ZNF157: variants seen among roughly 807,000 people sequenced by gnomAD.
ZNF157 encodes zinc finger protein 22.
In ZNF157, 8 loss-of-function variants were observed where a neutral mutation model predicts 9.4. That is an observed-to-expected ratio of 0.85 (90% CI 0.50 to 1.53). The LOEUF is 1.53. ZNF157 is among the 40% of genes most tolerant of loss of function. The pLI is 0.00. For missense variants in ZNF157, 316 were observed against 385.2 expected, an observed-to-expected ratio of 0.82 and a Z score of 1.50; for synonymous variants, 120 against 130.8, an observed-to-expected ratio of 0.92 and a Z score of 0.56.
chrX:47,384,829 T>C (rs2063125151), intron 1 of ZNF157, among the ~76,000 whole-genome samples: 2 of 112,387 alleles, frequency 1.8e-5, no homozygotes, highest in South Asian at 7.3e-4. Flanking sequence ...AAAATATCCA[T>C]GATGTCTTGG....
intron 1 of ZNF157, among the ~76,000 whole-genome samples, chrX:47,403,694 C>A (rs2055937717): frequency 9.0e-6 from 1 of 111,312 alleles, no homozygotes; most frequent in Non-Finnish European, 1.9e-5. Flanking sequence ...AGGAACATTT[C>A]AATTTGAATG....
chrX:47,372,928 G>A (rs144417782), intron 1 of ZNF157, among the ~76,000 whole-genome samples: 9,435 of 110,069 alleles, frequency 0.086, 1,029 homozygotes, highest in African/African-American at 0.29. Context: ...GGTGGGGCAC[G>A]GTGGCTCATG....
chrX:47,392,941 G>A (rs2055901442), intron 1 of ZNF157, among the ~76,000 whole-genome samples: 2 of 111,102 alleles, frequency 1.8e-5, no homozygotes, highest in African/African-American at 3.3e-5. Flanking sequence ...GGATCTCTGA[G>A]GTCAGGAGTT....
At chrX:47,370,763 T>C in intron 1 of ZNF157, 23 bp downstream of exon 1, 1 of 1,115,825 alleles carries the variant, frequency 9.0e-7, no homozygotes, top group Non-Finnish European at 1.2e-6. Context: ...ATCCTATTTT[T>C]TTCTATATGT....
chrX:47,405,114 G>A (rs958838009), intron 1 of ZNF157, among the ~76,000 whole-genome samples: 1 of 111,308 alleles, frequency 9.0e-6, no homozygotes, highest in Non-Finnish European at 1.9e-5. Context: ...GAGGCCGGAC[G>A]TGGTGGCTCA....
chrX:47,403,105 A>G (rs2055935637), intron 1 of ZNF157, among the ~76,000 whole-genome samples: 1 of 60,554 alleles, frequency 1.7e-5, no homozygotes, highest in Non-Finnish European at 3.7e-5. Context: ...TACTGAAAAT[A>G]CACACACACA....
At chrX:47,393,967 C>CTT (rs748734330) in intron 1 of ZNF157, among the ~76,000 whole-genome samples, 4 of 98,283 alleles carry the variant, frequency 4.1e-5, no homozygotes, top group Admixed American at 1.1e-4. Flanking sequence ...GTCTCGAACT[C>CTT]TTTTTTTTTT....
chrX:47,393,222 G>A (rs776757473), intron 1 of ZNF157, among the ~76,000 whole-genome samples: 5 of 111,469 alleles, frequency 4.5e-5, no homozygotes, highest in African/African-American at 1.6e-4. Flanking sequence ...CTGCACCTGC[G>A]GTTCTGCCCT....
At chrX:47,379,236 A>G (rs2055853982) in intron 1 of ZNF157, among the ~76,000 whole-genome samples, 1 of 109,178 alleles carries the variant, frequency 9.2e-6, no homozygotes, top group African/African-American at 3.3e-5. Flanking sequence ...CAAGCGATCC[A>G]CCCACCTCAG....
chrX:47,398,609 G>T (rs1419473481), intron 1 of ZNF157, among the ~76,000 whole-genome samples: 1 of 110,774 alleles, frequency 9.0e-6, no homozygotes, highest in Non-Finnish European at 1.9e-5. Flanking sequence ...CTGGGTTCAA[G>T]CGATTCTCCT....
chrX:47,392,249 C>A, intron 1 of ZNF157: 1 of 147,942 alleles, frequency 6.8e-6, no homozygotes, highest in Non-Finnish European at 1.4e-5. Flanking sequence ...GTCACTTTGT[C>A]ATCTTCCTAA....
intron 1 of ZNF157, among the ~76,000 whole-genome samples, chrX:47,382,595 CTT>C (rs772429046): frequency 2.1e-4 from 20 of 96,686 alleles, no homozygotes; most frequent in Admixed American, 2.3e-4. Flanking sequence ...GGCATGTAGC[CTT>C]TTTTTTTTTT....
At chrX:47,382,314 C>G (rs186847171) in intron 1 of ZNF157, among the ~76,000 whole-genome samples, 4,644 of 75,724 alleles carry the variant, frequency 0.061, 593 homozygotes, top group African/African-American at 0.25. Context: ...TTTTGAGACG[C>G]AGTCTCGCTC....
intron 1 of ZNF157, among the ~76,000 whole-genome samples, chrX:47,388,007 G>T (rs1484478565): frequency 9.2e-6 from 1 of 108,816 alleles, no homozygotes; most frequent in Non-Finnish European, 1.9e-5. Context: ...TTTTCTTAGA[G>T]AATTACAATG....
At chrX:47,400,887 C>T (rs1230429977) in intron 1 of ZNF157, among the ~76,000 whole-genome samples, 1 of 110,880 alleles carries the variant, frequency 9.0e-6, no homozygotes, top group African/African-American at 3.3e-5. Flanking sequence ...GAACTCCTGG[C>T]CTAAAGCAGT....
At position 47,412,775 on chromosome X, in the gene ZNF157, C is replaced by G; in HGVS notation, c.702C>G (p.Ile234Met). The change falls in exon 4 of 4, where the codon ATC (isoleucine) becomes ATG (methionine). Residue 234 changes from isoleucine (I) to methionine (M), a missense_variant. Ile to Met is a conservative substitution (Grantham distance 10). This residue lies in a region of ZNF157 where 146 missense variants were observed against 183.8 expected (regional missense o/e 0.79). Transcript: ENST00000377073. Reference sequence around the variant, plus strand: ...CTTTTGGCAGGAAGTCACAACTCATCCTACATACAAGAACACACACTGGAG... The same window carrying G: ...CTTTTGGCAGGAAGTCACAACTCATGCTACATACAAGAACACACACTGGAG... The part of the protein sequence containing the change: ...GKSFGRKSQL[I>M]LHTRTHTGER... 2.5e-6 allele frequency: 3 copies of G among 1,210,297 alleles called. No homozygotes were observed. Among genetic ancestry groups the G allele is most frequent in the Non-Finnish European group, 3.4e-6 (3 of 895,084 alleles).
At chrX:47,399,492 A>G (rs977049675) in intron 1 of ZNF157, among the ~76,000 whole-genome samples, 4 of 111,886 alleles carry the variant, frequency 3.6e-5, no homozygotes, top group African/African-American at 1.3e-4. Context: ...AATATAGGGG[A>G]GAATTGTATA....
At chrX:47,380,212 G>T (rs1391545561) in intron 1 of ZNF157, among the ~76,000 whole-genome samples, 1 of 110,526 alleles carries the variant, frequency 9.0e-6, no homozygotes, top group Non-Finnish European at 1.9e-5. Context: ...TCAGAAAAAA[G>T]AATTTGAGGG....
In ZNF157 at chrX:47,410,838, G is replaced by A. The variant is rs752521330; in HGVS notation, c.295+63G>A. ...GGGAAATAAGAGCCCAGGAATTCAG[G>A]TCAAAGGGTATGCTTGTGCAACACT... On this transcript the variant is annotated intron_variant, in intron 3 of 3. Coordinates refer to ENST00000377073, the MANE Select transcript of ZNF157 (RefSeq NM_003446.4). 76 of 930,395 alleles carry A rather than the reference G, an allele frequency of 8.2e-5. No homozygotes were observed. In the African/African-American group the frequency reaches 1.1e-3, roughly 13 times the overall value. The allele number at this position is 930,395 out of a possible 1,213,427, so 76.7% of individuals were successfully genotyped here.
Sources: allele counts gnomAD v4.1 joint callset (sites outside exome capture counted in the v4.1 genomes callset), GRCh38; gene constraint gnomAD v4.1.1; regional missense constraint gnomAD v4.1.1; transcripts MANE v1.5; gene names NCBI Gene and HGNC (gene_info 2026-07-23, HGNC 2026-07-21).